Variants in CFAP161 observed in about 807,000 individuals in gnomAD.
CFAP161 encodes cilia and flagella associated protein 161, also known as cilia- and flagella-associated protein 161.
CFAP161 carries 25 observed loss-of-function variants against 29.0 expected under a neutral mutation model. The ratio of observed to expected loss-of-function variants is 0.86; its 90% CI spans 0.63 to 1.20. The LOEUF (loss-of-function observed/expected upper bound fraction) is 1.20, where lower values mean the gene tolerates loss of function less well. Among genes scored for constraint, CFAP161 ranks in the 50% most tolerant of loss-of-function variants. The pLI is 0.00. For synonymous variants in CFAP161, 116 were observed against 137.4 expected, an observed-to-expected ratio of 0.84 and a Z score of 1.09; for missense variants, 367 against 371.9, an observed-to-expected ratio of 0.99 and a Z score of 0.11.
intron 2 of CFAP161, 134 bp downstream of exon 2, chr15:81,135,493 CT>C (rs1232663792): frequency 2.2e-6 from 1 of 451,654 alleles, no homozygotes; most frequent in African/African-American, 2.0e-5. Flanking sequence ...TTAGGTATAT[CT>C]CCTAATGCTA....
intron 1 of CFAP161, chr15:81,117,946 G>T: frequency 2.2e-6 from 1 of 454,960 alleles, no homozygotes; most frequent in East Asian, 5.6e-5. Context: ...CTGGTCCTCT[G>T]GGTCATAGGT....
At position 81,135,370 on chromosome 15, in the gene CFAP161, T is replaced by C. The variant is rs369964743; in HGVS notation, c.159+11T>C. On this transcript the variant is annotated intron_variant, in intron 2 of 6. Coordinates refer to ENST00000286732, the MANE Select transcript of CFAP161 (RefSeq NM_173528.4). Reference sequence around the variant, plus strand: ...AATCTCTTGAGACCGGTAACTTTTTTTTTTTTTATTACACTTTAAGTTTTA... The same window carrying C: ...AATCTCTTGAGACCGGTAACTTTTTCTTTTTTTATTACACTTTAAGTTTTA... 1.5e-4 allele frequency: 230 copies of C among 1,563,156 alleles called. No individual in the cohort carries two copies. Among genetic ancestry groups the C allele is most frequent in the Non-Finnish European group, 1.9e-4 (223 of 1,158,580 alleles).
upstream of CFAP161, among the ~76,000 whole-genome samples, chr15:81,133,761 C>T (rs1343702248): frequency 6.6e-6 from 1 of 152,090 alleles, no homozygotes; most frequent in Non-Finnish European, 1.5e-5. Context: ...AACCTATAAA[C>T]AGAAATATAC....
intron 3 of CFAP161, 60 bp downstream of exon 3, chr15:81,136,808 A>G: frequency 1.4e-6 from 2 of 1,446,462 alleles, no homozygotes; most frequent in Non-Finnish European, 1.9e-6. Context: ...TTGTAGCTTA[A>G]AGATTCCTGG....
chr15:81,104,386 C>A lies in CFAP161; in HGVS notation c.-141-23204C>A, dbSNP rs146677326. On this transcript the variant is annotated intron_variant, in intron 1 of 4. Coordinates refer to the CFAP161 transcript ENST00000560091. ...GACAGTGAGCATGGGGCAGTAGGGA[C>A]TGCTTCCTAGGCCTTACCCAGGTCG... is the stretch of plus-strand genomic sequence containing the variant. 2.2e-3 allele frequency among the ~76,000 whole-genome samples: 337 copies of A among 152,340 alleles called. 4 individuals are homozygous for A. The highest frequency in any genetic ancestry group is 7.9e-3 in the African/African-American group (329 of 41,572).
chr15:81,145,643 A>T (rs1021879696), intron 5 of CFAP161, among the ~76,000 whole-genome samples: 1 of 152,192 alleles, frequency 6.6e-6, no homozygotes, highest in African/African-American at 2.4e-5. Context: ...CCTCACTGAG[A>T]CATGGTTACA....
intron 1 of CFAP161, among the ~76,000 whole-genome samples, chr15:81,114,610 A>G (rs941032628): frequency 2.0e-5 from 3 of 152,230 alleles, no homozygotes; most frequent in Non-Finnish European, 4.4e-5. Flanking sequence ...GGGAATATGC[A>G]TGTCATAGTA....
chr15:81,105,126 TTTCTC>T (rs1894348942), intron 1 of CFAP161, among the ~76,000 whole-genome samples: 3 of 12,870 alleles, frequency 2.3e-4, no homozygotes, highest in Non-Finnish European at 4.0e-4. Flanking sequence ...CCCCCATACC[TTTCTC>T]CCCCCTCCCC....
chr15:81,112,960 T>C (rs1438892188), intron 1 of CFAP161, among the ~76,000 whole-genome samples: 1 of 152,212 alleles, frequency 6.6e-6, no homozygotes, highest in South Asian at 2.1e-4. Context: ...TGAGTGCATT[T>C]CTGTTTTAAT....
chr15:81,121,473 A>G (rs548869546), intron 1 of CFAP161, among the ~76,000 whole-genome samples: 27 of 151,886 alleles, frequency 1.8e-4, no homozygotes, highest in Non-Finnish European at 3.2e-4. Flanking sequence ...CTCAACAGAG[A>G]GCATATTTGT....
chr15:81,109,593 A>G (rs983191821), intron 1 of CFAP161, among the ~76,000 whole-genome samples: 3 of 152,188 alleles, frequency 2.0e-5, no homozygotes, highest in Non-Finnish European at 4.4e-5. Flanking sequence ...AGTCCCAGCT[A>G]TTCAGGAGGC....
intron 2 of CFAP161, among the ~76,000 whole-genome samples, chr15:81,128,084 AG>A (rs1250342764): frequency 8.5e-5 from 13 of 152,196 alleles, no homozygotes; most frequent in Admixed American, 8.5e-4. Flanking sequence ...TTTTTGTATA[AG>A]GTGGTAATGA....
At chr15:81,138,903 A>G (rs1431639785) in intron 4 of CFAP161, among the ~76,000 whole-genome samples, 2 of 152,206 alleles carry the variant, frequency 1.3e-5, no homozygotes, top group Non-Finnish European at 2.9e-5. Flanking sequence ...CTCAGTTAGC[A>G]AGTAGCAGAG....
chr15:81,146,835 T>C (rs1895014517), intron 5 of CFAP161, among the ~76,000 whole-genome samples: 1 of 15,382 alleles, frequency 6.5e-5, no homozygotes. Flanking sequence ...GCTACAAATA[T>C]ATATATATAT....
intron 1 of CFAP161, among the ~76,000 whole-genome samples, chr15:81,104,338 C>G (rs578193509): frequency 1.3e-5 from 2 of 152,340 alleles, no homozygotes; most frequent in African/African-American, 4.8e-5. Context: ...TGCAGTGAAG[C>G]TGGGAAGAGA....
chr15:81,122,182 G>A (rs931373527), intron 1 of CFAP161, among the ~76,000 whole-genome samples: 1 of 152,160 alleles, frequency 6.6e-6, no homozygotes, highest in African/African-American at 2.4e-5. Flanking sequence ...ACATACACAT[G>A]CATGTGTCTT....
At chr15:81,119,265 A>G (rs1894539389) in intron 1 of CFAP161, among the ~76,000 whole-genome samples, 1 of 152,222 alleles carries the variant, frequency 6.6e-6, no homozygotes, top group African/African-American at 2.4e-5. Context: ...TTCCCAGTTG[A>G]CAAAGAAATT....
chr15:81,129,008 C>G (rs1894675859), intron 2 of CFAP161, among the ~76,000 whole-genome samples: 1 of 151,796 alleles, frequency 6.6e-6, no homozygotes, highest in Admixed American at 6.6e-5. Flanking sequence ...GTTGAAATTA[C>G]TTCTTGATCC....
chr15:81,103,453 C>G (rs1279079435), intron 1 of CFAP161, among the ~76,000 whole-genome samples: 2 of 152,022 alleles, frequency 1.3e-5, no homozygotes, highest in African/African-American at 2.4e-5. Context: ...GATTGGGGAC[C>G]TTATGAACCT....
Sources: gnomAD v4.1 joint callset for allele counts (sites outside exome capture counted in the v4.1 genomes callset) on GRCh38, gnomAD v4.1.1 for gene constraint, MANE v1.5 for transcripts, NCBI Gene and HGNC (gene_info 2026-07-23, HGNC 2026-07-21) for gene names.